Variants in PDE4D observed in about 807,000 individuals in gnomAD.
PDE4D encodes 3',5'-cyclic-AMP phosphodiesterase 4D.
In PDE4D, 24 loss-of-function variants were observed where a neutral mutation model predicts 87.4. The ratio of observed to expected loss-of-function variants is 0.27; its 90% CI spans 0.20 to 0.39. The LOEUF (loss-of-function observed/expected upper bound fraction) is 0.39, where lower values mean the gene tolerates loss of function less well. Ranked by LOEUF, PDE4D falls within the 10% of genes least tolerant of loss-of-function variation. The pLI is 1.00. For synonymous variants in PDE4D, 384 were observed against 383.2 expected (o/e 1.00, Z -0.02); for missense variants, 714 against 1,041.0 (o/e 0.69, Z 4.32).
chr5:59,803,455 C>T (rs1232855197), intron 1 of PDE4D, among the ~76,000 whole-genome samples: 2 of 152,154 alleles, frequency 1.3e-5, no homozygotes, highest in East Asian at 1.9e-4. Flanking sequence ...CCCGCCATCA[C>T]GCACAGCTAA....
chr5:60,319,546 A>G (rs1449351503), intron 1 of PDE4D, among the ~76,000 whole-genome samples: 3 of 152,124 alleles, frequency 2.0e-5, no homozygotes, highest in African/African-American at 7.2e-5. Flanking sequence ...GTTCCTTTGG[A>G]GAAGGAGAGG....
intron 1 of PDE4D, among the ~76,000 whole-genome samples, chr5:59,879,164 T>G (rs1349808402): frequency 1.3e-5 from 2 of 151,940 alleles, no homozygotes. Flanking sequence ...CCTCCCAAAG[T>G]GCTGGGATTA....
At chr5:60,517,179 C>T (rs930613643) in intron 1 of PDE4D, among the ~76,000 whole-genome samples, 1 of 152,216 alleles carries the variant, frequency 6.6e-6, no homozygotes, top group African/African-American at 2.4e-5. Context: ...CACACCAGCC[C>T]CCTGTTGCCT....
At chr5:59,586,192 T>C in intron 1 of PDE4D, 2 of 592,886 alleles carry the variant, frequency 3.4e-6, no homozygotes, top group Admixed American at 5.5e-5. Context: ...TCTCAGACAA[T>C]ATTCGGTTTT....
chr5:59,768,315 C>T lies in PDE4D; in HGVS notation c.455+124853G>A, dbSNP rs769179170. 6 of 1,598,268 alleles carry T rather than the reference C, an allele frequency of 3.8e-6. No individual in the cohort carries two copies. The Admixed American group carries it at 1.0e-4, about 27-fold the overall frequency. ...TGCTGAGAAGCATTCTGCGCAGAAG[C>T]CTGGGGGAATTTCTCGGAGAGATCA... is the stretch of plus-strand genomic sequence containing the variant. On this transcript the variant is annotated intron_variant, in intron 1 of 14. Coordinates refer to ENST00000340635, the MANE Select transcript of PDE4D (RefSeq NM_001104631.2).
intron 1 of PDE4D, among the ~76,000 whole-genome samples, chr5:60,386,497 T>C (rs1438597840): frequency 6.6e-6 from 1 of 152,170 alleles, no homozygotes; most frequent in Non-Finnish European, 1.5e-5. Context: ...AAGAAACACG[T>C]GTTGTAATTG....
chr5:59,732,511 G>GT (rs988510202), intron 1 of PDE4D, among the ~76,000 whole-genome samples: 93 of 150,856 alleles, frequency 6.2e-4, no homozygotes, highest in African/African-American at 1.7e-3. Flanking sequence ...TGATCAGCAA[G>GT]TTTTTTTTTG....
chr5:60,421,020 A>G (rs1743045144), intron 1 of PDE4D, among the ~76,000 whole-genome samples: 1 of 152,240 alleles, frequency 6.6e-6, no homozygotes, highest in Admixed American at 6.5e-5. Flanking sequence ...GTAGGTAAAC[A>G]AAGTGGCCAG....
At chr5:59,167,112 A>T (rs1782036074) in intron 5 of PDE4D, among the ~76,000 whole-genome samples, 1 of 152,182 alleles carries the variant, frequency 6.6e-6, no homozygotes, top group African/African-American at 2.4e-5. Context: ...CAAAATTAGG[A>T]AGGTATAATT....
chr5:60,136,702 T>C (rs1249818398), intron 2 of PDE4D, among the ~76,000 whole-genome samples: 1 of 152,192 alleles, frequency 6.6e-6, no homozygotes. Flanking sequence ...TCTTTTCTTA[T>C]TCCTTGCTAA....
intron 5 of PDE4D, among the ~76,000 whole-genome samples, chr5:59,144,718 A>G (rs193004994): frequency 6.6e-6 from 1 of 152,332 alleles, no homozygotes; most frequent in Admixed American, 6.5e-5. Flanking sequence ...CTTGCAATCA[A>G]GTAGATGAGT....
chr5:58,999,221 A>T (rs1292076828), intron 6 of PDE4D, among the ~76,000 whole-genome samples: 1 of 152,218 alleles, frequency 6.6e-6, no homozygotes, highest in Non-Finnish European at 1.5e-5. Flanking sequence ...TTTAATTACC[A>T]TATATTTTTC....
chr5:60,285,953 AG>A (rs1463993059), intron 1 of PDE4D, among the ~76,000 whole-genome samples: 1 of 152,230 alleles, frequency 6.6e-6, no homozygotes, highest in Non-Finnish European at 1.5e-5. Flanking sequence ...AATGTTTCAG[AG>A]TGCACAAGGA....
chr5:59,478,810 CTTAG>C (rs1300700276), intron 1 of PDE4D, among the ~76,000 whole-genome samples: 10 of 151,988 alleles, frequency 6.6e-5, no homozygotes, highest in Admixed American at 5.9e-4. Context: ...ATCTATTTGA[CTTAG>C]TTAACTAGAT....
intron 5 of PDE4D, among the ~76,000 whole-genome samples, chr5:59,173,823 T>C (rs945940789): frequency 2.0e-5 from 3 of 152,162 alleles, no homozygotes; most frequent in Non-Finnish European, 2.9e-5. Flanking sequence ...ACAACACATG[T>C]TTTACTTCAG....
intron 5 of PDE4D, among the ~76,000 whole-genome samples, chr5:59,171,993 TA>T (rs1782896279): frequency 1.3e-5 from 1 of 75,354 alleles, no homozygotes; most frequent in Admixed American, 2.2e-4. Context: ...AAATATATAT[TA>T]TATATATAAT....
intron 1 of PDE4D, among the ~76,000 whole-genome samples, chr5:59,285,294 G>A (rs1766709507): frequency 6.6e-6 from 1 of 151,736 alleles, no homozygotes; most frequent in African/African-American, 2.4e-5. Context: ...TGGCTTACAA[G>A]GTATTTGCTT....
chr5:59,039,198 C>T (rs746872411), intron 5 of PDE4D: 718 of 1,303,790 alleles, frequency 5.5e-4, no homozygotes, highest in Non-Finnish European at 6.5e-4. Flanking sequence ...CTTGGCGTCT[C>T]GGGTCGGCCT....
chr5:59,268,407 G>A (rs929586795), intron 1 of PDE4D, among the ~76,000 whole-genome samples: 1 of 152,018 alleles, frequency 6.6e-6, no homozygotes, highest in Non-Finnish European at 1.5e-5. Context: ...CACTGGCACG[G>A]GCTCTCATTA....
Sources: allele counts gnomAD v4.1 joint callset (sites outside exome capture counted in the v4.1 genomes callset), GRCh38; gene constraint gnomAD v4.1.1; transcripts MANE v1.5; gene names NCBI Gene and HGNC (gene_info 2026-07-23, HGNC 2026-07-21).